R3HDML: variants seen among roughly 807,000 people sequenced by gnomAD.
The protein encoded by R3HDML is peptidase inhibitor R3HDML.
A neutral mutation model predicts 24.2 loss-of-function variants in R3HDML; 21 were observed. The ratio of observed to expected loss-of-function variants is 0.87; its 90% CI spans 0.62 to 1.25. R3HDML has a LOEUF of 1.25. R3HDML is among the 50% of genes most tolerant of loss of function. The pLI is 0.00. For missense variants in R3HDML, 301 were observed against 340.3 expected (o/e 0.88, Z 0.91); for synonymous variants, 133 against 131.5 (o/e 1.01, Z -0.08).
At chr20:44,346,375 A>G (rs918534177) in intron 4 of R3HDML, among the ~76,000 whole-genome samples, 2 of 152,162 alleles carry the variant, frequency 1.3e-5, no homozygotes, top group Admixed American at 6.5e-5. Context: ...AGGTCTCCCA[A>G]AGTGCTGGGA....
intron 3 of R3HDML, 138 bp from the exon 4 acceptor site, chr20:44,345,125 C>G (rs536471812): frequency 2.9e-6 from 2 of 690,842 alleles, no homozygotes. Context: ...TAAATGCCTC[C>G]GTTTCCTCCC....
intron 4 of R3HDML, among the ~76,000 whole-genome samples, chr20:44,350,121 C>CTAAT (rs1330289140): frequency 6.6e-6 from 1 of 152,042 alleles, no homozygotes; most frequent in Non-Finnish European, 1.5e-5. Flanking sequence ...AAGGGAGCCA[C>CTAAT]TAATTAACTA....
chr20:44,341,015 C>T (rs1278167626), intron 1 of R3HDML, among the ~76,000 whole-genome samples, 181 bp from the exon 2 acceptor site: 1 of 152,180 alleles, frequency 6.6e-6, no homozygotes. Context: ...GGTATGGACT[C>T]ATGGTTGCCC....
intron 4 of R3HDML, 76 bp from the exon 5 acceptor site, chr20:44,350,584 C>T (rs558029551): frequency 1.9e-5 from 27 of 1,457,050 alleles, no homozygotes; most frequent in Middle Eastern, 2.4e-4. Context: ...TCAGTGGCAG[C>T]GCTGAGATCT....
At chr20:44,344,432 C>A (rs1487546316) in intron 3 of R3HDML, among the ~76,000 whole-genome samples, 1 of 147,408 alleles carries the variant, frequency 6.8e-6, no homozygotes, top group Non-Finnish European at 1.5e-5. Flanking sequence ...ACAGTGAGAC[C>A]CACCTCTCTA....
chr20:44,338,120 T>A (rs2062762656), intron 1 of R3HDML, among the ~76,000 whole-genome samples: 1 of 151,970 alleles, frequency 6.6e-6, no homozygotes, highest in South Asian at 2.1e-4. Context: ...TTACAGCTCC[T>A]CCCCCAGGGC....
intron 4 of R3HDML, among the ~76,000 whole-genome samples, chr20:44,348,457 T>TTTTCCCCTTTCTCC (rs2146114874): frequency 7.0e-6 from 1 of 142,774 alleles, no homozygotes; most frequent in Non-Finnish European, 1.6e-5. Context: ...TTCCTTTCCC[T>TTTTCCCCTTTCTCC]TTTCCCCTTT....
At chr20:44,346,077 C>T (rs1404509813) in intron 4 of R3HDML, among the ~76,000 whole-genome samples, 1 of 152,218 alleles carries the variant, frequency 6.6e-6, no homozygotes. Context: ...GCATCGGCCT[C>T]CCAAAGTGCT....
chr20:44,339,795 T>C (rs969205713), intron 1 of R3HDML, among the ~76,000 whole-genome samples: 4 of 152,016 alleles, frequency 2.6e-5, no homozygotes, highest in African/African-American at 9.7e-5. Flanking sequence ...TTTGTTGTTG[T>C]TGACACGGAA....
intron 4 of R3HDML, among the ~76,000 whole-genome samples, chr20:44,350,427 G>A (rs2062806379): frequency 6.6e-6 from 1 of 151,888 alleles, no homozygotes; most frequent in South Asian, 2.1e-4. Flanking sequence ...GAGCTGAGTT[G>A]GGAGGATTGC....
At chr20:44,338,616 A>G (rs2062764075) in intron 1 of R3HDML, among the ~76,000 whole-genome samples, 1 of 152,204 alleles carries the variant, frequency 6.6e-6, no homozygotes, top group Non-Finnish European at 1.5e-5. Context: ...CTGCCCCAAC[A>G]GGTGTTTAAT....
intron 2 of R3HDML, among the ~76,000 whole-genome samples, chr20:44,341,661 G>T (rs1199856360): frequency 6.6e-6 from 1 of 152,180 alleles, no homozygotes; most frequent in African/African-American, 2.4e-5. Flanking sequence ...GAGGTGGGCA[G>T]ATCACTTCAG....
chr20:44,339,888 C>T lies in R3HDML; in HGVS notation c.262-1308C>T, dbSNP rs145241682. Among the ~76,000 whole-genome samples, 267 of 152,188 alleles carry T rather than the reference C, an allele frequency of 1.8e-3. 2 individuals are homozygous for T. Among genetic ancestry groups the T allele is most frequent in the African/African-American group, 6.0e-3 (249 of 41,526 alleles). On this transcript the variant is annotated intron_variant, in intron 1 of 4. Transcript: ENST00000217043. ...CTGCCTCCTGAGTTCAAGCAATTCT[C>T]GTGCCTCAGCCTCCCAAGTAGCTGG...
At chr20:44,342,486 C>T (rs2062774918) in intron 2 of R3HDML, among the ~76,000 whole-genome samples, 1 of 152,208 alleles carries the variant, frequency 6.6e-6, no homozygotes, top group Non-Finnish European at 1.5e-5. Context: ...CCAGACTCCA[C>T]CCCTACCCAT....
chr20:44,340,421 T>G (rs933369814), intron 1 of R3HDML, among the ~76,000 whole-genome samples: 2 of 152,186 alleles, frequency 1.3e-5, no homozygotes, highest in Non-Finnish European at 2.9e-5. Flanking sequence ...ATTATGCATA[T>G]TTTCACGATT....
Position 44,345,347 on chromosome 20 carries a change from G to A in R3HDML, c.598G>A (p.Ala200Thr), listed in dbSNP as rs540762474. 6.8e-6 allele frequency: 11 copies of A among 1,614,048 alleles called. No individual in the cohort carries two copies. The East Asian group carries it at 1.3e-4, about 20-fold the overall frequency. Reference protein sequence around the residue: ...ISVWGNTWHRAAYLVCNYAIK... With the variant: ...ISVWGNTWHRTAYLVCNYAIK... ...TGTCTGGGGCAACACCTGGCATCGG[G>A]CGGCATACCTGGTCTGCAACTATGC... Residue 200 changes from alanine to threonine, a missense_variant, in exon 4 of 5, where the codon GCG (alanine) becomes ACG (threonine). By Grantham distance (58) the Ala-to-Thr change is moderately conservative (BLOSUM62 0). Coordinates refer to ENST00000217043, the MANE Select transcript of R3HDML (RefSeq NM_178491.4).
intron 1 of R3HDML, among the ~76,000 whole-genome samples, chr20:44,339,050 T>G (rs1600598131): frequency 1.2e-4 from 15 of 124,038 alleles, no homozygotes; most frequent in Admixed American, 4.6e-4. Flanking sequence ...ATGACAAGAG[T>G]GAAACTCTAT....
chr20:44,338,756 A>C (rs2062764467), intron 1 of R3HDML, among the ~76,000 whole-genome samples: 1 of 151,734 alleles, frequency 6.6e-6, no homozygotes. Context: ...TGAGGGAAGC[A>C]CTCCTCTGCT....
rs771851695 is a variant in R3HDML at position 44,337,347 on chromosome 20, A to G, written c.190A>G (p.Asn64Asp). The change falls in exon 1 of 5, where the codon AAT becomes GAT. Residue 64 changes from asparagine (N) to aspartate (D), a missense_variant. Transcript: ENST00000217043. The surrounding 1 kb of genome is among the most constrained non-coding windows in gnomAD (Gnocchi z 4.7). Reference sequence around the variant, plus strand: ...GCGCCACATCTCTGTGAGAGACATGAATGCCTTACTGGATTATCACAACCA... The same window carrying G: ...GCGCCACATCTCTGTGAGAGACATGGATGCCTTACTGGATTATCACAACCA... Reference protein sequence around the residue: ...RKRHISVRDMNALLDYHNHIR... With the variant: ...RKRHISVRDMDALLDYHNHIR... 1 of 1,614,192 alleles carries G rather than the reference A, an allele frequency of 6.2e-7. No individual in the cohort carries two copies. Among genetic ancestry groups the G allele is most frequent in the Non-Finnish European group, 8.5e-7 (1 of 1,180,026 alleles).
Sources: gnomAD v4.1 joint callset for allele counts (sites outside exome capture counted in the v4.1 genomes callset) on GRCh38, gnomAD v4.1.1 for gene constraint, Gnocchi (gnomAD v3.1) non-coding constraint, MANE v1.5 for transcripts, NCBI Gene and HGNC (gene_info 2026-07-23, HGNC 2026-07-21) for gene names.